Variants in GALNT13 observed in about 807,000 individuals in gnomAD.
GALNT13 encodes UDP-GalNAc:polypeptide N-acetylgalactosaminyltransferase 13.
In GALNT13, 28 loss-of-function variants were observed where a neutral mutation model predicts 64.2. The ratio of observed to expected loss-of-function variants is 0.44; its 90% CI spans 0.32 to 0.60. The LOEUF is 0.60. GALNT13 is among the 20% of genes least tolerant of loss of function. The pLI is 0.05. For synonymous variants in GALNT13, 214 were observed against 224.6 expected (o/e 0.95, Z 0.42); for missense variants, 577 against 669.8 (o/e 0.86, Z 1.53).
At chr2:154,022,605 G>GCT (rs1558914182) in intron 3 of GALNT13, among the ~76,000 whole-genome samples, 1 of 151,818 alleles carries the variant, frequency 6.6e-6, no homozygotes, top group East Asian at 1.9e-4. Context: ...TATTAGTCTT[G>GCT]CTAGCGGTCT....
chr2:154,246,821 T>G (rs1455983971), intron 7 of GALNT13, among the ~76,000 whole-genome samples: 1 of 151,998 alleles, frequency 6.6e-6, no homozygotes, highest in Non-Finnish European at 1.5e-5. Flanking sequence ...AACTGCAACT[T>G]TAAACAAAAT....
the GALNT13 span, among the ~76,000 whole-genome samples, chr2:153,380,584 G>A: frequency 6.6e-6 from 1 of 151,826 alleles, no homozygotes; most frequent in East Asian, 1.9e-4. Context: ...AGGGGGTGGG[G>A]GGTCCTGGAA....
chr2:153,828,139 A>G, the GALNT13 span, among the ~76,000 whole-genome samples: 1 of 152,196 alleles, frequency 6.6e-6, no homozygotes, highest in African/African-American at 2.4e-5. Context: ...ATGAGCTGGC[A>G]TTGAGTGTCT....
the GALNT13 span, among the ~76,000 whole-genome samples, chr2:153,386,311 G>T: frequency 2.0e-5 from 3 of 152,016 alleles, no homozygotes; most frequent in Non-Finnish European, 4.4e-5. Flanking sequence ...ACATTAAAAG[G>T]AATGAGCAAT....
the GALNT13 span, among the ~76,000 whole-genome samples, chr2:153,291,269 C>T: frequency 3.9e-5 from 6 of 151,974 alleles, no homozygotes; most frequent in Non-Finnish European, 2.9e-5. Flanking sequence ...AGGCCAGAAG[C>T]TATTTTTATT....
At chr2:153,284,189 T>A in the GALNT13 span, among the ~76,000 whole-genome samples, 2 of 152,156 alleles carry the variant, frequency 1.3e-5, no homozygotes, top group Admixed American at 1.3e-4. Context: ...GGGAACTGGC[T>A]GGGGCACCCA....
the GALNT13 span, among the ~76,000 whole-genome samples, chr2:153,545,510 G>A: frequency 6.6e-6 from 1 of 152,180 alleles, no homozygotes; most frequent in African/African-American, 2.4e-5. Context: ...GGATATTGGA[G>A]GGCAAGCAGC....
chr2:154,203,737 C>G lies in GALNT13; in HGVS notation c.312-38293C>G, dbSNP rs180817111. On this transcript the variant is annotated intron_variant, in intron 4 of 12. Transcript: ENST00000392825. ...TGATTTATACCACACCCTCAATTTC[C>G]ACTACATGAAAGCCCTATTCATCCA... Among the ~76,000 whole-genome samples the G allele has an allele frequency of 4.6e-5, 7 of 152,240 alleles. No individual in the cohort carries two copies. In the East Asian group the frequency reaches 1.2e-3, roughly 25 times the overall value.
At chr2:153,603,999 A>T in the GALNT13 span, among the ~76,000 whole-genome samples, 1 of 151,984 alleles carries the variant, frequency 6.6e-6, no homozygotes, top group Non-Finnish European at 1.5e-5. Flanking sequence ...TGTTTTCAGT[A>T]TTCCGTTTCA....
chr2:154,335,009 C>T (rs181401222), intron 9 of GALNT13, among the ~76,000 whole-genome samples: 186 of 151,990 alleles, frequency 1.2e-3, no homozygotes, highest in Non-Finnish European at 2.0e-3. Flanking sequence ...CTTCTTTTAC[C>T]CTAGCTAACT....
chr2:154,034,539 A>G (rs1249264554), intron 3 of GALNT13, among the ~76,000 whole-genome samples: 1 of 145,146 alleles, frequency 6.9e-6, no homozygotes, highest in East Asian at 2.0e-4. Flanking sequence ...TCACTTGAAT[A>G]GTGTACGTCG....
intron 3 of GALNT13, among the ~76,000 whole-genome samples, chr2:154,122,882 C>T (rs1363380486): frequency 2.7e-5 from 4 of 148,488 alleles, no homozygotes; most frequent in Non-Finnish European, 5.9e-5. Context: ...TTAGTCACTT[C>T]GTATTCAAAC....
the GALNT13 span, among the ~76,000 whole-genome samples, chr2:153,649,830 C>G: frequency 8.6e-5 from 13 of 152,026 alleles, no homozygotes; most frequent in Non-Finnish European, 1.5e-4. Context: ...GTCTGAGAGA[C>G]AGTTTGTTAT....
At chr2:154,270,809 T>A (rs1192390619) in intron 8 of GALNT13, among the ~76,000 whole-genome samples, 3 of 151,868 alleles carry the variant, frequency 2.0e-5, no homozygotes, top group Non-Finnish European at 4.4e-5. Flanking sequence ...CATCCACTAA[T>A]GCCTTTAAAT....
chr2:154,269,270 A>G (rs966748982), intron 8 of GALNT13, among the ~76,000 whole-genome samples: 1 of 152,102 alleles, frequency 6.6e-6, no homozygotes, highest in African/African-American at 2.4e-5. Context: ...ACACAATTCA[A>G]ATTTTGACAA....
chr2:153,806,680 TAAAAA>T, the GALNT13 span, among the ~76,000 whole-genome samples: 4 of 135,226 alleles, frequency 3.0e-5, no homozygotes, highest in African/African-American at 1.1e-4. Context: ...TGTCAATTTG[TAAAAA>T]AAAAAAAAAA....
At chr2:154,013,881 G>T (rs1337898836) in intron 3 of GALNT13, among the ~76,000 whole-genome samples, 1 of 152,152 alleles carries the variant, frequency 6.6e-6, no homozygotes, top group Non-Finnish European at 1.5e-5. Flanking sequence ...CTGTGGGTGG[G>T]CTGGTTTTGT....
chr2:154,093,291 T>G (rs912790313), intron 3 of GALNT13, among the ~76,000 whole-genome samples: 1 of 152,066 alleles, frequency 6.6e-6, no homozygotes, highest in East Asian at 1.9e-4. Context: ...ATAACTAGAA[T>G]GCCAATGATT....
the GALNT13 span, among the ~76,000 whole-genome samples, chr2:153,823,657 G>C: frequency 6.6e-6 from 1 of 152,060 alleles, no homozygotes. Flanking sequence ...ACATACCACT[G>C]TAAAAACATT....
Sources: allele counts gnomAD v4.1 joint callset (sites outside exome capture counted in the v4.1 genomes callset), GRCh38; gene constraint gnomAD v4.1.1; transcripts MANE v1.5; gene names NCBI Gene and HGNC (gene_info 2026-07-23, HGNC 2026-07-21).